The following RFTN1 variants were observed in gnomAD, a reference collection of about 807,000 sequenced individuals.
The protein encoded by RFTN1 is raftlin, lipid raft linker 1.
Under a neutral mutation model 46.5 loss-of-function variants are expected in RFTN1, and 26 were observed. The observed-to-expected ratio is 0.56, with a 90% CI of 0.41 to 0.78. The LOEUF is 0.78. RFTN1 is among the 30% of genes least tolerant of loss of function. RFTN1 has a pLI of 0.00. For synonymous variants in RFTN1, 261 were observed against 284.2 expected (o/e 0.92, Z 0.82); for missense variants, 693 against 718.7 (o/e 0.96, Z 0.41).
At chr3:16,420,110 C>T (rs905530965) in intron 3 of RFTN1, among the ~76,000 whole-genome samples, 1 of 152,204 alleles carries the variant, frequency 6.6e-6, no homozygotes, top group African/African-American at 2.4e-5. Context: ...CTGTGCACTA[C>T]AAGGAGTGCA....
chr3:16,326,700 G>A (rs1046629163), intron 8 of RFTN1, 73 bp downstream of exon 8: 2 of 1,095,362 alleles, frequency 1.8e-6, no homozygotes, highest in Non-Finnish European at 2.8e-6. Context: ...ATAGACGTGA[G>A]GTGCTCATTA....
rs563341821 is a variant in RFTN1 at position 16,416,787 on chromosome 3, G to A, written c.333-7304C>T. Among the ~76,000 whole-genome samples, 170 of 152,266 alleles carry A rather than the reference G, an allele frequency of 1.1e-3. 1 individual carries two copies. The highest frequency in any genetic ancestry group is 3.9e-3 in the African/African-American group (163 of 41,562). ...GGAAAAAGACCAGGGATAATGAAAT[G>A]AAAGAATGGGGTCTATGCTTCCTCT... On this transcript the variant is annotated intron_variant, in intron 3 of 9. Transcript: ENST00000334133.
intron 2 of RFTN1, among the ~76,000 whole-genome samples, chr3:16,463,332 C>T (rs1297224866): frequency 1.3e-5 from 2 of 152,116 alleles, no homozygotes; most frequent in Admixed American, 6.6e-5. Context: ...TTCACTGTGC[C>T]CCACTTGTCT....
At position 16,356,585 on chromosome 3, in the gene RFTN1, A is replaced by AC. The variant is rs1019624344; in HGVS notation, c.1146+1346dup. On this transcript the variant is annotated intron_variant, in intron 7 of 9. Coordinates refer to ENST00000334133, the MANE Select transcript of RFTN1 (RefSeq NM_015150.2). This position sits in a 1 kb window ranked among gnomAD's most constrained non-coding sequence, Gnocchi z 4.9. ...TAGTGTCCCGGGGGACATCCAACTC[A>AC]CCCCCCACCATCCCATCTCCACTTC... Among the ~76,000 whole-genome samples the AC allele has an allele frequency of 5.9e-5, 9 of 151,962 alleles. No individual in the cohort carries two copies. The highest frequency in any genetic ancestry group is 2.1e-4 in the South Asian group (1 of 4,798).
At chr3:16,354,122 A>G (rs768963881) in intron 7 of RFTN1, among the ~76,000 whole-genome samples, 7 of 152,238 alleles carry the variant, frequency 4.6e-5, no homozygotes, top group Non-Finnish European at 1.0e-4. Context: ...AGTGCCTTGG[A>G]GAACAAAGAT....
rs998391501 is a variant in RFTN1, at chr3:16,451,580, G to A, written c.146-17543C>T. On this transcript the variant is annotated intron_variant, in intron 2 of 9. Transcript: ENST00000334133. The surrounding 1 kb of genome is among the most constrained non-coding windows in gnomAD (Gnocchi z 4.2). ...GGGGATATGCCTGAAACCACAGATA[G>A]TAAAGAACCCAATTGCTGCCAATCA... 2.0e-5 allele frequency among the ~76,000 whole-genome samples: 3 copies of A among 152,218 alleles called. No individual in the cohort carries two copies. Among genetic ancestry groups the A allele is most frequent in the Non-Finnish European group, 4.4e-5 (3 of 68,046 alleles).
intron 8 of RFTN1, among the ~76,000 whole-genome samples, chr3:16,326,305 AT>A: frequency 6.6e-6 from 1 of 152,340 alleles, no homozygotes; most frequent in Middle Eastern, 3.4e-3. Context: ...CCAGTGCTTG[AT>A]CTTGGCCAAG....
At chr3:16,435,857 T>A (rs1388603247) in intron 2 of RFTN1, among the ~76,000 whole-genome samples, 1 of 151,070 alleles carries the variant, frequency 6.6e-6, no homozygotes, top group Non-Finnish European at 1.5e-5. Context: ...ATGTACCCTA[T>A]AAATATATAC....
rs1009349610 is a variant in RFTN1 at position 16,391,886 on chromosome 3, T to G, written c.442-13784A>C. Among the ~76,000 whole-genome samples, 178 of 36,954 alleles carry G rather than the reference T, an allele frequency of 4.8e-3. 3 individuals carry two copies. Among genetic ancestry groups the G allele is most frequent in the African/African-American group, 0.014 (137 of 9,868 alleles). The allele number at this position is 36,954 out of a possible 152,430, so 24.2% of individuals were successfully genotyped here. ...TTTTTTTTGTTTTTTTTTTTTGTTT[T>G]TTTTTTTGTTTTTTTTACGGGGAAG... On this transcript the variant is annotated intron_variant, in intron 4 of 9. Coordinates refer to ENST00000334133, the MANE Select transcript of RFTN1 (RefSeq NM_015150.2).
chr3:16,454,771 C>CA, intron 2 of RFTN1: 1 of 985,430 alleles, frequency 1.0e-6, no homozygotes. Flanking sequence ...CACCATCTAG[C>CA]ACTCACCATC....
chr3:16,421,508 T>C lies in RFTN1; in HGVS notation c.333-12025A>G, dbSNP rs1028695117. 5.9e-5 allele frequency among the ~76,000 whole-genome samples: 9 copies of C among 152,156 alleles called. No homozygotes were observed. The highest frequency in any genetic ancestry group is 3.9e-4 in the Admixed American group (6 of 15,280). ...CTGGGACTACAGGTGCATGCCACCA[T>C]GCCCAGCTAATTTTTGTATTTTTAG... is the stretch of plus-strand genomic sequence containing the variant. On this transcript the variant is annotated intron_variant, in intron 3 of 9. Coordinates refer to ENST00000334133, the MANE Select transcript of RFTN1 (RefSeq NM_015150.2). The surrounding 1 kb of genome is among the most constrained non-coding windows in gnomAD (Gnocchi z 4.6).
chr3:16,395,654 G>A (rs964425022), intron 4 of RFTN1, among the ~76,000 whole-genome samples: 2 of 152,088 alleles, frequency 1.3e-5, no homozygotes, highest in African/African-American at 4.8e-5. Flanking sequence ...TTGCTATGTT[G>A]CCCAGAATGG....
Position 16,382,501 on chromosome 3 carries a change from C to A in RFTN1, c.442-4399G>T, listed in dbSNP as rs1464171. ...ATCAGGGTTCATCCCCGGCTGCCAG[C>A]TCTCCTCCACTCTACACTCCCCTTG... On this transcript the variant is annotated intron_variant, in intron 4 of 9. Transcript: ENST00000334133. This position sits in a 1 kb window ranked among gnomAD's most constrained non-coding sequence, Gnocchi z 4.7. Among the ~76,000 whole-genome samples the A allele has an allele frequency of 0.3, 45,997 of 151,980 alleles. 7,128 individuals carry two copies. Among genetic ancestry groups the A allele is most frequent in the Middle Eastern group, 0.42 (124 of 294 alleles).
rs972661206 is a variant in RFTN1, at chr3:16,320,070, T to C, written c.1333-2838A>G. Reference sequence around the variant, plus strand: ...TAACTGTCTAAAAGAAAAAAAGAAATCCTTCACTTTACAGCAGTGTGTGTC... The same window carrying C: ...TAACTGTCTAAAAGAAAAAAAGAAACCCTTCACTTTACAGCAGTGTGTGTC... On this transcript the variant is annotated intron_variant, in intron 9 of 9. Coordinates refer to ENST00000334133, the MANE Select transcript of RFTN1 (RefSeq NM_015150.2). This position sits in a 1 kb window ranked among gnomAD's most constrained non-coding sequence, Gnocchi z 4.5. Among the ~76,000 whole-genome samples, 3 of 152,138 alleles carry C rather than the reference T, an allele frequency of 2.0e-5. No homozygotes were observed. The highest frequency in any genetic ancestry group is 4.4e-5 in the Non-Finnish European group (3 of 68,012).
chr3:16,482,729 A>C, intron 2 of RFTN1: 1 of 1,510,338 alleles, frequency 6.6e-7, no homozygotes, highest in Middle Eastern at 1.7e-4. Context: ...TACTGTTAAC[A>C]ATGATTATAT....
chr3:16,328,111 T>C (rs2069915471), intron 7 of RFTN1, among the ~76,000 whole-genome samples: 1 of 152,224 alleles, frequency 6.6e-6, no homozygotes, highest in Non-Finnish European at 1.5e-5. Flanking sequence ...GTTCACAGGC[T>C]AGCAGGGGCA....
chr3:16,503,834 A>G (rs572387553), intron 1 of RFTN1, among the ~76,000 whole-genome samples: 1 of 152,240 alleles, frequency 6.6e-6, no homozygotes, highest in East Asian at 1.9e-4. Flanking sequence ...ATTATAAACC[A>G]CTTCAAACAT....
rs1433658672 is a variant in RFTN1 at position 16,346,913 on chromosome 3, G to C, written c.1146+11019C>G. On this transcript the variant is annotated intron_variant, in intron 7 of 9. Coordinates refer to ENST00000334133, the MANE Select transcript of RFTN1 (RefSeq NM_015150.2). The surrounding 1 kb of genome is among the most constrained non-coding windows in gnomAD (Gnocchi z 4.4). ...GCATCTTTAAGCTGTTGACAAAGCT[G>C]ACTCTGCAACCTCCCCACCTTGCTC... Among the ~76,000 whole-genome samples the C allele has an allele frequency of 2.0e-5, 3 of 152,148 alleles. No homozygotes were observed. Among genetic ancestry groups the C allele is most frequent in the African/African-American group, 7.2e-5 (3 of 41,408 alleles).
intron 7 of RFTN1, among the ~76,000 whole-genome samples, chr3:16,332,284 A>C (rs531715811): frequency 1.3e-5 from 2 of 151,474 alleles, no homozygotes; most frequent in East Asian, 3.9e-4. Context: ...ACCTTCCCCC[A>C]CAGTTTTCTT....
Sources: allele counts gnomAD v4.1 joint callset (sites outside exome capture counted in the v4.1 genomes callset), GRCh38; gene constraint gnomAD v4.1.1; non-coding constraint Gnocchi (gnomAD v3.1); transcripts MANE v1.5; gene names NCBI Gene and HGNC (gene_info 2026-07-23, HGNC 2026-07-21).